TBC1D12: variants seen among roughly 807,000 people sequenced by gnomAD.
TBC1D12 encodes the protein TBC1 domain family, member 12.
In TBC1D12, 56 loss-of-function variants were observed where a neutral mutation model predicts 86.7. The ratio of observed to expected loss-of-function variants is 0.65; its 90% confidence interval spans 0.52 to 0.81. The LOEUF is 0.81. TBC1D12 is among the 30% of genes least tolerant of loss of function. The probability of loss-of-function intolerance (pLI) is 0.00; values close to 1 mark genes in which losing one functional copy is unlikely to be tolerated. For synonymous variants in TBC1D12, 421 were observed against 411.7 expected, an observed-to-expected ratio of 1.02 and a Z score of -0.27; for missense variants, 1,023 against 1,038.8, an observed-to-expected ratio of 0.98 and a Z score of 0.21.
At chr10:94,439,961 A>C (rs1055032170) in intron 1 of TBC1D12, among the ~76,000 whole-genome samples, 2 of 152,214 alleles carry the variant, frequency 1.3e-5, no homozygotes, top group East Asian at 3.8e-4. Flanking sequence ...TGAGGCTTCA[A>C]ATTTTTTTCT....
chr10:94,472,210 C>T (rs1002333957), intron 2 of TBC1D12, among the ~76,000 whole-genome samples: 1 of 152,120 alleles, frequency 6.6e-6, no homozygotes, highest in African/African-American at 2.4e-5. Context: ...TCAAGAACAG[C>T]CTTGGCAACC....
intron 1 of TBC1D12, among the ~76,000 whole-genome samples, chr10:94,410,279 C>G (rs1458480209): frequency 6.6e-6 from 1 of 152,160 alleles, no homozygotes; most frequent in African/African-American, 2.4e-5. Flanking sequence ...TCACTGCACA[C>G]TATTTAGGGG....
chr10:94,459,781 A>G (rs2055695879), intron 2 of TBC1D12, among the ~76,000 whole-genome samples: 1 of 152,138 alleles, frequency 6.6e-6, no homozygotes, highest in Non-Finnish European at 1.5e-5. Context: ...GGCACCGGCC[A>G]GCAGCTCCAA....
chr10:94,532,637 A>G (rs1842460602), intron 12 of TBC1D12, among the ~76,000 whole-genome samples: 1 of 152,242 alleles, frequency 6.6e-6, no homozygotes, highest in Non-Finnish European at 1.5e-5. Flanking sequence ...TTGAAAGAAT[A>G]TATAATGTAT....
chr10:94,416,732 AGTACTGAGGAAGG>A, intron 1 of TBC1D12, among the ~76,000 whole-genome samples: 1 of 152,216 alleles, frequency 6.6e-6, no homozygotes, highest in African/African-American at 2.4e-5. Flanking sequence ...AGGATGCATC[AGTACTGAGGAAGG>A]GGTGATTAAC....
intron 1 of TBC1D12, among the ~76,000 whole-genome samples, chr10:94,426,340 T>C (rs2055146424): frequency 6.6e-6 from 1 of 152,164 alleles, no homozygotes; most frequent in Non-Finnish European, 1.5e-5. Context: ...ATGCCTTTAA[T>C]TAAGCTAATG....
intron 2 of TBC1D12, among the ~76,000 whole-genome samples, chr10:94,458,543 T>G (rs2055663984): frequency 6.6e-6 from 1 of 152,178 alleles, no homozygotes; most frequent in Non-Finnish European, 1.5e-5. Flanking sequence ...GTGTCTGGAA[T>G]TGGTGGGTTC....
At chr10:94,455,076 G>A (rs550877692) in intron 2 of TBC1D12, among the ~76,000 whole-genome samples, 1 of 152,170 alleles carries the variant, frequency 6.6e-6, no homozygotes, top group East Asian at 1.9e-4. Context: ...TTACTGAGAG[G>A]TTTTCTCATG....
chr10:94,508,467 GCTT>G (rs2056488417), intron 7 of TBC1D12: 3 of 150,590 alleles, frequency 2.0e-5, no homozygotes, highest in African/African-American at 7.3e-5. Flanking sequence ...CTCTTTCTCT[GCTT>G]CAGTTTCATT....
chr10:94,522,654 C>G (rs1842180014), intron 11 of TBC1D12, among the ~76,000 whole-genome samples: 1 of 152,082 alleles, frequency 6.6e-6, no homozygotes, highest in Non-Finnish European at 1.5e-5. Context: ...TGGCTCATGT[C>G]TGTAATCCGA....
At chr10:94,521,860 G>T (rs1003608356) in intron 9 of TBC1D12, 95 bp from the exon 10 acceptor site, 1 of 1,138,118 alleles carries the variant, frequency 8.8e-7, no homozygotes, top group South Asian at 2.7e-5. Flanking sequence ...ATTCTACTTT[G>T]TAATGTCACT....
At chr10:94,514,645 A>T (rs778823289) in intron 9 of TBC1D12, among the ~76,000 whole-genome samples, 9 of 151,758 alleles carry the variant, frequency 5.9e-5, no homozygotes, top group Non-Finnish European at 1.3e-4. Context: ...ACATACACAC[A>T]CTCTCTCATC....
At chr10:94,472,915 A>G (rs1564964258) in intron 2 of TBC1D12, among the ~76,000 whole-genome samples, 1 of 152,202 alleles carries the variant, frequency 6.6e-6, no homozygotes, top group Non-Finnish European at 1.5e-5. Flanking sequence ...CAGAGCATAG[A>G]TATAGTAGAT....
rs770328616 is a variant in TBC1D12 at position 94,533,147 on chromosome 10, A to G, written c.*51A>G. 71 of 1,234,760 alleles carry G rather than the reference A, an allele frequency of 5.8e-5. No individual in the cohort carries two copies. The highest frequency in any genetic ancestry group is 3.8e-4 in the Middle Eastern group (2 of 5,276). 76.5% of individuals were successfully genotyped at this position (1,234,760 alleles called of 1,614,324 possible). On this transcript the variant is annotated 3_prime_UTR_variant, in exon 13 of 13. Coordinates refer to ENST00000225235, the MANE Select transcript of TBC1D12 (RefSeq NM_015188.2). ...CATAGAAAAAGTGGTTTTTGGATAA[A>G]GGTTTTTTGTTTCCTATGTAAAAGG...
At chr10:94,531,764 TTTATTTTATGTTATTTTATTTTATG>T (rs1842430640) in intron 12 of TBC1D12, among the ~76,000 whole-genome samples, 1 of 116,780 alleles carries the variant, frequency 8.6e-6, no homozygotes, top group African/African-American at 3.4e-5. Context: ...TTTATTTTAT[TTTATTTTATGTTATTTTATTTTATG>T]TTATTTTATT....
intron 1 of TBC1D12, among the ~76,000 whole-genome samples, chr10:94,412,896 T>C (rs1411162582): frequency 9.2e-5 from 14 of 152,156 alleles, no homozygotes; most frequent in Non-Finnish European, 2.1e-4. Flanking sequence ...TAAAATTACT[T>C]GGAAGGGGGA....
chr10:94,472,402 A>G (rs1392809746), intron 2 of TBC1D12, among the ~76,000 whole-genome samples: 2 of 152,166 alleles, frequency 1.3e-5, no homozygotes, highest in African/African-American at 4.8e-5. Context: ...CTCCACTGGG[A>G]GGGCTCTAAC....
intron 9 of TBC1D12, among the ~76,000 whole-genome samples, chr10:94,514,047 A>T (rs921186511): frequency 1.6e-5 from 2 of 125,438 alleles, no homozygotes; most frequent in Admixed American, 7.7e-5. Flanking sequence ...CTCAAAAAAA[A>T]AACAAAAAAA....
intron 2 of TBC1D12, among the ~76,000 whole-genome samples, chr10:94,445,315 T>C (rs1412118460): frequency 6.6e-6 from 1 of 151,898 alleles, no homozygotes; most frequent in Non-Finnish European, 1.5e-5. Flanking sequence ...GCCGACGTTG[T>C]GCCACTGCAC....
Sources: gnomAD v4.1 joint callset for allele counts (sites outside exome capture counted in the v4.1 genomes callset) on GRCh38, gnomAD v4.1.1 for gene constraint, MANE v1.5 for transcripts, NCBI Gene and HGNC (gene_info 2026-07-23, HGNC 2026-07-21) for gene names.